NSMCE4A: variants seen among roughly 807,000 people sequenced by gnomAD.
NSMCE4A encodes the protein NSE4A component of SMC5/6 complex.
A neutral mutation model predicts 47.9 loss-of-function variants in NSMCE4A; 40 were observed. The ratio of observed to expected loss-of-function variants is 0.83; its 90% CI spans 0.65 to 1.09. NSMCE4A has a LOEUF of 1.09. Ranked by LOEUF, NSMCE4A falls within the 50% of genes least tolerant of loss-of-function variation. NSMCE4A has a pLI of 0.00. For missense variants in NSMCE4A, 500 were observed against 507.0 expected, an observed-to-expected ratio of 0.99 and a Z score of 0.13; for synonymous variants, 166 against 178.5, an observed-to-expected ratio of 0.93 and a Z score of 0.56.
At chr10:121,962,706 G>A (rs550005336) in intron 6 of NSMCE4A, among the ~76,000 whole-genome samples, 23 of 151,592 alleles carry the variant, frequency 1.5e-4, no homozygotes, top group Admixed American at 5.9e-4. Context: ...TCTGTCTCCC[G>A]GGTTCAAGCG....
chr10:121,970,819 G>C lies in NSMCE4A; in HGVS notation c.501+120C>G, dbSNP rs554915294. 3.0e-5 allele frequency: 26 copies of C among 866,580 alleles called. No homozygotes were observed. The African/African-American group carries it at 4.1e-4, about 14-fold the overall frequency. The allele number at this position is 866,580 out of a possible 1,614,324, so 53.7% of individuals were successfully genotyped here. A position where few individuals can be genotyped will look rare whatever the true frequency, so the allele number is the denominator to read the frequency against. ...TTAAATTGGTAAGATCTCTACAGAG[G>C]AATCTGAGACCAAAAAAGAAGAATG... On this transcript the variant is annotated intron_variant, in intron 3 of 10. Transcript: ENST00000369023.
chr10:121,969,785 G>A (rs1478516010), intron 3 of NSMCE4A, among the ~76,000 whole-genome samples: 1 of 152,100 alleles, frequency 6.6e-6, no homozygotes, highest in Non-Finnish European at 1.5e-5. Context: ...GCGCGATCTC[G>A]GCTCACTGCA....
intron 3 of NSMCE4A, among the ~76,000 whole-genome samples, chr10:121,969,512 A>T (rs1379553749): frequency 6.6e-6 from 1 of 151,970 alleles, no homozygotes; most frequent in Non-Finnish European, 1.5e-5. Flanking sequence ...AAAAAAAAAA[A>T]AAAAAAAGGA....
At chr10:121,963,180 G>T in intron 6 of NSMCE4A, 58 bp downstream of exon 6, 1 of 1,006,968 alleles carries the variant, frequency 9.9e-7, no homozygotes. Flanking sequence ...TTAAATACAA[G>T]TAACCTCAGT....
At chr10:121,970,219 T>C (rs945060886) in intron 3 of NSMCE4A, among the ~76,000 whole-genome samples, 1 of 149,942 alleles carries the variant, frequency 6.7e-6, no homozygotes, top group Non-Finnish European at 1.5e-5. Context: ...ACGGCTGTAA[T>C]CCCAGCACTT....
At position 121,963,254 on chromosome 10, in the gene NSMCE4A, T is replaced by A; in HGVS notation, c.828A>T (p.Thr276=). The change falls in exon 6 of 11, where the codon ACA becomes ACT. Residue 276 remains threonine (T), a synonymous_variant. Transcript: ENST00000369023. ...EVERILGLLQ[T]YFREDPDTPM... ...TACACTTACGATCTTCTCGAAAATATGTCTGCAACAATCCCAAGATTCTTT... is the reference window on the plus strand; with the variant it reads ...TACACTTACGATCTTCTCGAAAATAAGTCTGCAACAATCCCAAGATTCTTT... The A allele has an allele frequency of 6.2e-7, 1 of 1,608,174 alleles. No individual in the cohort carries two copies. The highest frequency in any genetic ancestry group is 8.5e-7 in the Non-Finnish European group (1 of 1,174,912).
intron 3 of NSMCE4A, among the ~76,000 whole-genome samples, chr10:121,969,773 T>C (rs1268658728): frequency 6.6e-6 from 1 of 152,198 alleles, no homozygotes; most frequent in Non-Finnish European, 1.5e-5. Flanking sequence ...TGGAGTGCAG[T>C]GGCGCGATCT....
chr10:121,969,456 C>T (rs1952665452), intron 3 of NSMCE4A, among the ~76,000 whole-genome samples: 1 of 143,010 alleles, frequency 7.0e-6, no homozygotes. Flanking sequence ...CTCTATATTA[C>T]AGTGCACTTT....
At chr10:121,963,456 G>T in intron 5 of NSMCE4A, 128 bp from the exon 6 acceptor site, 2 of 606,274 alleles carry the variant, frequency 3.3e-6, no homozygotes, top group Middle Eastern at 4.0e-4. Context: ...TTTGAGACAG[G>T]GTCTTGCTTT....
At chr10:121,964,621 T>C (rs757929072) in intron 5 of NSMCE4A, among the ~76,000 whole-genome samples, 25 of 151,828 alleles carry the variant, frequency 1.6e-4, no homozygotes, top group East Asian at 7.8e-4. Context: ...TCTGTATTTT[T>C]AGTAGAGACG....
intron 2 of NSMCE4A, 54 bp from the exon 3 acceptor site, chr10:121,971,123 A>G: frequency 4.0e-6 from 6 of 1,486,026 alleles, no homozygotes; most frequent in Non-Finnish European, 2.7e-6. Context: ...TTATCCATAG[A>G]CTTTTTCCCT....
chr10:121,965,737 T>C (rs1952594750), intron 4 of NSMCE4A: 1 of 190,286 alleles, frequency 5.3e-6, no homozygotes, highest in Admixed American at 6.1e-5. Flanking sequence ...AACATGTATG[T>C]GGGGAAGCTC....
At chr10:121,973,241 A>C (rs1286969647) in intron 2 of NSMCE4A, among the ~76,000 whole-genome samples, 5 of 32,984 alleles carry the variant, frequency 1.5e-4, no homozygotes, top group African/African-American at 6.2e-4. Context: ...CAAACCTCAA[A>C]AAAAAAAAAA....
chr10:121,974,649 C>T (rs1952782315), intron 1 of NSMCE4A: 1 of 1,082,230 alleles, frequency 9.2e-7, no homozygotes, highest in Non-Finnish European at 1.1e-6. Context: ...CTTTTCCAGC[C>T]CGCCACTCGG....
intron 2 of NSMCE4A, among the ~76,000 whole-genome samples, chr10:121,973,223 C>T (rs1952749992): frequency 7.0e-6 from 1 of 142,578 alleles, no homozygotes; most frequent in Non-Finnish European, 1.5e-5. Flanking sequence ...GCAACAGAGA[C>T]TCCATCTCAA....
intron 3 of NSMCE4A, 57 bp downstream of exon 3, chr10:121,970,878 GTAAA>G: frequency 1.4e-6 from 2 of 1,417,172 alleles, no homozygotes; most frequent in Non-Finnish European, 1.9e-6. Flanking sequence ...TATGAGCACA[GTAAA>G]TAATTATAAT....
chr10:121,964,453 G>GT (rs1243186457), intron 5 of NSMCE4A, among the ~76,000 whole-genome samples: 9 of 130,238 alleles, frequency 6.9e-5, no homozygotes, highest in African/African-American at 1.5e-4. Flanking sequence ...GGCAACCTTT[G>GT]TTTTTTTTGA....
intron 3 of NSMCE4A, among the ~76,000 whole-genome samples, chr10:121,969,073 G>A (rs1179473237): frequency 3.9e-5 from 6 of 152,200 alleles, no homozygotes; most frequent in Admixed American, 1.3e-4. Context: ...GGCCGGGCAC[G>A]GTGGCTCATG....
intron 8 of NSMCE4A, 92 bp from the exon 9 acceptor site, chr10:121,959,687 C>T: frequency 1.2e-6 from 1 of 817,462 alleles, no homozygotes; most frequent in Non-Finnish European, 2.1e-6. Context: ...AGCAATGAAA[C>T]CTGTATTGAA....
Sources: gnomAD v4.1 joint callset for allele counts (sites outside exome capture counted in the v4.1 genomes callset) on GRCh38, gnomAD v4.1.1 for gene constraint, MANE v1.5 for transcripts, NCBI Gene and HGNC (gene_info 2026-07-23, HGNC 2026-07-21) for gene names.